TMEM273: variants seen among roughly 807,000 people sequenced by gnomAD.
TMEM273 encodes the protein transmembrane protein 273.
Under a neutral mutation model 17.9 loss-of-function variants are expected in TMEM273, and 19 were observed. The ratio of observed to expected loss-of-function variants is 1.06; its 90% CI spans 0.74 to 1.55. The LOEUF is 1.55. Among genes scored for constraint, TMEM273 ranks in the 40% most tolerant of loss-of-function variants. The pLI is 0.00. For synonymous variants in TMEM273, 66 were observed against 62.0 expected (o/e 1.07, Z -0.31); for missense variants, 194 against 155.6 (o/e 1.25, Z -1.31).
At chr10:49,183,679 TC>T (rs1285955602) in intron 1 of TMEM273, among the ~76,000 whole-genome samples, 1 of 152,186 alleles carries the variant, frequency 6.6e-6, no homozygotes, top group Admixed American at 6.5e-5. Context: ...CTTTAATCTC[TC>T]TGTGCCTCAG....
At chr10:49,176,840 G>A (rs1444326551) in intron 1 of TMEM273, among the ~76,000 whole-genome samples, 5 of 152,346 alleles carry the variant, frequency 3.3e-5, no homozygotes, top group East Asian at 3.9e-4. Flanking sequence ...ACCAGCATCC[G>A]TGCTAGGCAT....
At chr10:49,157,431 A>G (rs1387374437) in intron 6 of TMEM273, among the ~76,000 whole-genome samples, 2 of 152,240 alleles carry the variant, frequency 1.3e-5, no homozygotes, top group Non-Finnish European at 2.9e-5. Context: ...GTTGCATACC[A>G]TGTGATTTAG....
intron 1 of TMEM273, among the ~76,000 whole-genome samples, chr10:49,172,614 T>C (rs1490717993): frequency 1.3e-5 from 2 of 152,234 alleles, no homozygotes; most frequent in East Asian, 3.8e-4. Context: ...GGAAGGATAT[T>C]TGGAACCAGG....
Position 49,165,238 on chromosome 10 carries a change from C to T in TMEM273, c.315G>A (p.Gln105=), listed in dbSNP as rs1228749900. Residue 105 remains glutamine (Q), a synonymous_variant, in exon 5 of 7, where the codon CAG becomes CAA. Transcript: ENST00000374153. ...GGCCCTCCATGATGCAGTGGTGACA[C>T]TGAAGCAGGGATTTGAAGGAAAAGA... ...STLFSFKSLL[Q]CHHCIMEGLF... 1.9e-6 allele frequency: 3 copies of T among 1,550,526 alleles called. No homozygotes were observed. The highest frequency in any genetic ancestry group is 2.7e-5 in the African/African-American group (2 of 73,154).
intron 1 of TMEM273, among the ~76,000 whole-genome samples, chr10:49,186,117 GAAGAAA>G (rs778313235): frequency 0.029 from 4,143 of 143,228 alleles, 103 homozygotes; most frequent in African/African-American, 0.038. Context: ...AGAGGAAGAA[GAAGAAA>G]AAGAGGAAGA....
intron 1 of TMEM273, among the ~76,000 whole-genome samples, chr10:49,171,400 G>A (rs1012088631): frequency 2.6e-5 from 4 of 152,234 alleles, no homozygotes; most frequent in African/African-American, 9.6e-5. Flanking sequence ...GCTGAGATGC[G>A]GGGGCTTTCC....
chr10:49,161,742 C>T, intron 5 of TMEM273, 120 bp from the exon 6 acceptor site: 1 of 1,224,498 alleles, frequency 8.2e-7, no homozygotes, highest in East Asian at 2.4e-5. Flanking sequence ...GGTCTGACTT[C>T]CTCATGACTC....
intron 1 of TMEM273, among the ~76,000 whole-genome samples, chr10:49,175,868 G>C (rs1317004109): frequency 2.0e-5 from 3 of 152,184 alleles, no homozygotes; most frequent in African/African-American, 7.2e-5. Flanking sequence ...GTGGACAGTG[G>C]TATCCAGGGA....
intron 6 of TMEM273, 49 bp from the exon 7 acceptor site, chr10:49,155,958 A>G (rs1845481678): frequency 1.2e-6 from 2 of 1,613,424 alleles, no homozygotes; most frequent in Non-Finnish European, 1.7e-6. Flanking sequence ...GAGCAACTAT[A>G]CTCTAATGAT....
At chr10:49,173,722 TG>T (rs1301855176) in intron 1 of TMEM273, among the ~76,000 whole-genome samples, 1 of 152,314 alleles carries the variant, frequency 6.6e-6, no homozygotes, top group Non-Finnish European at 1.5e-5. Flanking sequence ...ACTCTTCTCC[TG>T]GGGGATGCCG....
In TMEM273 at chr10:49,186,114, GAAGAAGAAA is replaced by G. The variant is rs879901434; in HGVS notation, c.43+2171_43+2179del. 9.6e-3 allele frequency among the ~76,000 whole-genome samples: 1,405 copies of G among 146,442 alleles called. 16 individuals carry two copies. Among genetic ancestry groups the G allele is most frequent in the African/African-American group, 0.021 (808 of 37,664 alleles). Reference sequence around the variant, plus strand: ...AGAAGAAGAAGAAGAAGAAGAGGAAGAAGAAGAAAAAGAGGAAGAAGAAGGAGACTAAAC... The same window carrying G: ...AGAAGAAGAAGAAGAAGAAGAGGAAGAAGAGGAAGAAGAAGGAGACTAAAC... On this transcript the variant is annotated intron_variant, in intron 1 of 6. Transcript: ENST00000374153.
At chr10:49,182,971 T>A (rs2132284343) in intron 1 of TMEM273, among the ~76,000 whole-genome samples, 1 of 152,240 alleles carries the variant, frequency 6.6e-6, no homozygotes, top group South Asian at 2.1e-4. Context: ...AGATGAGGAA[T>A]GTTCTGTGGG....
chr10:49,186,387 A>G (rs1847731831), intron 1 of TMEM273, among the ~76,000 whole-genome samples: 1 of 152,186 alleles, frequency 6.6e-6, no homozygotes, highest in African/African-American at 2.4e-5. Context: ...GGGTTTTACC[A>G]TATTATTTCA....
chr10:49,177,218 C>A (rs1405853076), intron 1 of TMEM273, among the ~76,000 whole-genome samples: 2 of 152,216 alleles, frequency 1.3e-5, no homozygotes, highest in African/African-American at 2.4e-5. Context: ...GCTCAGTCCC[C>A]AGAGGAAACC....
chr10:49,165,262 G>C lies in TMEM273; in HGVS notation c.291C>G (p.Leu97=). 1 of 1,550,582 alleles carries C rather than the reference G, an allele frequency of 6.4e-7. No homozygotes were observed. The highest frequency in any genetic ancestry group is 1.2e-5 in the South Asian group (1 of 84,066). Residue 97 remains leucine (L), a synonymous_variant, in exon 5 of 7, where the codon CTC becomes CTG. Coordinates refer to ENST00000374153, the MANE Select transcript of TMEM273 (RefSeq NM_001288740.3). ...ACTGAAGCAGGGATTTGAAGGAAAAGAGGGTCGAGGCTTGCAGCTTTCTGG... is the reference window on the plus strand; with the variant it reads ...ACTGAAGCAGGGATTTGAAGGAAAACAGGGTCGAGGCTTGCAGCTTTCTGG... The part of the protein sequence containing the change: ...RAPRKLQAST[L]FSFKSLLQCH...
intron 3 of TMEM273, 155 bp downstream of exon 3, chr10:49,166,714 G>T (rs759007091): frequency 9.2e-7 from 1 of 1,086,058 alleles, no homozygotes; most frequent in Non-Finnish European, 1.4e-6. Flanking sequence ...AAGGGTTAGT[G>T]AGAGAGACAG....
At chr10:49,172,117 G>C (rs1187581599) in intron 1 of TMEM273, among the ~76,000 whole-genome samples, 1 of 152,294 alleles carries the variant, frequency 6.6e-6, no homozygotes, top group Non-Finnish European at 1.5e-5. Flanking sequence ...CCTAACTTTA[G>C]AGCTCATGAA....
intron 6 of TMEM273, chr10:49,161,359 G>T: frequency 1.7e-6 from 1 of 588,010 alleles, no homozygotes; most frequent in Non-Finnish European, 3.0e-6. Flanking sequence ...CATTTTCTCA[G>T]CTCTAACTGG....
At chr10:49,161,422 A>C in intron 6 of TMEM273, 177 bp downstream of exon 6, 1 of 710,060 alleles carries the variant, frequency 1.4e-6, no homozygotes, top group East Asian at 2.7e-5. Context: ...TCATGTCCCA[A>C]GGTGATGCTG....
Sources: allele counts gnomAD v4.1 joint callset (sites outside exome capture counted in the v4.1 genomes callset), GRCh38; gene constraint gnomAD v4.1.1; transcripts MANE v1.5; gene names NCBI Gene and HGNC (gene_info 2026-07-23, HGNC 2026-07-21).